Variants in TM9SF4 observed in about 807,000 individuals in gnomAD.
TM9SF4 encodes transmembrane 9 superfamily member 4.
Under a neutral mutation model 90.4 loss-of-function variants are expected in TM9SF4, and 26 were observed. The observed-to-expected ratio is 0.29, with a 90% CI of 0.21 to 0.40. The LOEUF is 0.40. Ranked by LOEUF, TM9SF4 falls within the 10% of genes least tolerant of loss-of-function variation. The pLI is 1.00. For synonymous variants in TM9SF4, 293 were observed against 315.4 expected (o/e 0.93, Z 0.75); for missense variants, 549 against 834.8 (o/e 0.66, Z 4.22).
At chr20:32,154,089 A>G (rs547991241) in intron 12 of TM9SF4, among the ~76,000 whole-genome samples, 3 of 152,272 alleles carry the variant, frequency 2.0e-5, no homozygotes, top group Admixed American at 6.5e-5. Flanking sequence ...GAGCTTCACC[A>G]TCCTTCTAGG....
At chr20:32,121,545 A>C (rs6121348) in intron 1 of TM9SF4, among the ~76,000 whole-genome samples, 10,606 of 151,718 alleles carry the variant, frequency 0.07, 1,218 homozygotes, top group African/African-American at 0.24. Context: ...ACAGGATCCC[A>C]AGGCAGAAGA....
chr20:32,155,027 T>TG (rs2046898136), intron 12 of TM9SF4, 76 bp from the exon 13 acceptor site: 2 of 1,074,582 alleles, frequency 1.9e-6, no homozygotes, highest in Non-Finnish European at 2.9e-6. Context: ...TAAGAGCTTC[T>TG]GGTCTGGGGG....
At chr20:32,163,636 G>A (rs2047059563) in intron 17 of TM9SF4, among the ~76,000 whole-genome samples, 1 of 139,244 alleles carries the variant, frequency 7.2e-6, no homozygotes, top group Admixed American at 7.5e-5. Context: ...TTTTGAGATG[G>A]AGACTCGCTC....
chr20:32,159,864 A>C (rs117547230), intron 15 of TM9SF4, 128 bp from the exon 16 acceptor site: 670 of 1,355,756 alleles, frequency 4.9e-4, no homozygotes, highest in Non-Finnish European at 6.5e-4. Flanking sequence ...CCAGAGCCAC[A>C]TGCCAGGCCC....
intron 1 of TM9SF4, among the ~76,000 whole-genome samples, chr20:32,130,411 G>C (rs2046493526): frequency 6.6e-6 from 1 of 152,122 alleles, no homozygotes; most frequent in African/African-American, 2.4e-5. Flanking sequence ...TTATATTTTG[G>C]TTAACTGGAA....
intron 1 of TM9SF4, among the ~76,000 whole-genome samples, chr20:32,112,730 C>T (rs1190420179): frequency 4.0e-5 from 6 of 151,412 alleles, no homozygotes; most frequent in Admixed American, 3.3e-4. Context: ...AACACACCAC[C>T]ACCAACAAAA....
intron 13 of TM9SF4, among the ~76,000 whole-genome samples, chr20:32,155,557 C>A (rs557561813): frequency 6.6e-6 from 1 of 152,360 alleles, no homozygotes; most frequent in South Asian, 2.1e-4. Context: ...AGTGTCCCTG[C>A]CCCTCAGCAC....
At chr20:32,141,339 G>T (rs1420095101) in intron 3 of TM9SF4, among the ~76,000 whole-genome samples, 158 bp from the exon 4 acceptor site, 4 of 152,030 alleles carry the variant, frequency 2.6e-5, no homozygotes, top group Non-Finnish European at 5.9e-5. Context: ...GGACCGTTGG[G>T]CGTGAAGCAA....
intron 1 of TM9SF4, among the ~76,000 whole-genome samples, chr20:32,124,201 T>C (rs1389622442): frequency 1.3e-5 from 2 of 152,132 alleles, no homozygotes; most frequent in East Asian, 3.9e-4. Flanking sequence ...TAGCCTGCCT[T>C]CATTATTTCT....
intron 2 of TM9SF4, among the ~76,000 whole-genome samples, chr20:32,133,428 CTT>C: frequency 6.6e-6 from 1 of 152,172 alleles, no homozygotes; most frequent in Middle Eastern, 3.4e-3. Context: ...CTTTTTGTGC[CTT>C]TGTCTTACTC....
chr20:32,149,718 C>G lies in TM9SF4; in HGVS notation c.1039C>G (p.Leu347Val). Residue 347 changes from leucine (L) to valine (V), a missense_variant, in exon 10 of 18, where the codon CTG (leucine) becomes GTG (valine). By Grantham distance (32) the Leu-to-Val change is conservative. Transcript: ENST00000398022. ...PPQYPMILSS[L>V]LGSGIQLFCM... ...CCAGTACCCCATGATCCTCAGCTCC[C>G]TGCTGGGCTCAGGCATTCAGCTGTT... 1.2e-6 allele frequency: 2 copies of G among 1,614,250 alleles called. No homozygotes were observed. The highest frequency in any genetic ancestry group is 1.7e-6 in the Non-Finnish European group (2 of 1,180,040).
chr20:32,131,354 A>T (rs568053708), intron 1 of TM9SF4, among the ~76,000 whole-genome samples: 93 of 152,374 alleles, frequency 6.1e-4, no homozygotes, highest in Non-Finnish European at 1.2e-3. Flanking sequence ...TTACAAATTC[A>T]GAAACTTGTA....
intron 5 of TM9SF4, 144 bp downstream of exon 5, chr20:32,142,039 C>T: frequency 1.5e-6 from 2 of 1,369,234 alleles, no homozygotes; most frequent in South Asian, 2.7e-5. Flanking sequence ...GGTCCGAGTG[C>T]TCCGGGCAAG....
chr20:32,133,499 T>C (rs2046551218), intron 2 of TM9SF4, among the ~76,000 whole-genome samples: 1 of 152,234 alleles, frequency 6.6e-6, no homozygotes, highest in Non-Finnish European at 1.5e-5. Context: ...TCTTCTCTGT[T>C]ACCAGCTTTG....
intron 2 of TM9SF4, among the ~76,000 whole-genome samples, chr20:32,134,872 C>A (rs1026472243): frequency 6.6e-6 from 1 of 152,060 alleles, no homozygotes. Flanking sequence ...GGGGTTTCAC[C>A]ATGTTGGCCA....
At chr20:32,158,367 C>CT in intron 14 of TM9SF4, 84 bp from the exon 15 acceptor site, 1 of 1,330,218 alleles carries the variant, frequency 7.5e-7, no homozygotes, top group Non-Finnish European at 1.1e-6. Context: ...TGTAGGTGCT[C>CT]TCTCTTCATG....
At chr20:32,159,780 C>A in intron 15 of TM9SF4, 1 of 611,822 alleles carries the variant, frequency 1.6e-6, no homozygotes, top group African/African-American at 1.8e-5. Flanking sequence ...TGGGGTCTAC[C>A]CAGAGCAGGT....
At chr20:32,142,867 C>A in intron 5 of TM9SF4, 115 bp from the exon 6 acceptor site, 1 of 1,385,300 alleles carries the variant, frequency 7.2e-7, no homozygotes, top group Non-Finnish European at 1.0e-6. Flanking sequence ...GTGATGAGAA[C>A]AGTGTTTTAG....
At chr20:32,151,353 G>T (rs2046837466) in intron 12 of TM9SF4, among the ~76,000 whole-genome samples, 1 of 152,136 alleles carries the variant, frequency 6.6e-6, no homozygotes, top group East Asian at 1.9e-4. Context: ...GGTAAGGAGA[G>T]TTCTTGGCAG....
Sources: allele counts gnomAD v4.1 joint callset (sites outside exome capture counted in the v4.1 genomes callset), GRCh38; gene constraint gnomAD v4.1.1; transcripts MANE v1.5; gene names NCBI Gene and HGNC (gene_info 2026-07-23, HGNC 2026-07-21).